Variants in PBRM1 observed in about 807,000 individuals in gnomAD.
PBRM1 encodes the protein protein polybromo-1.
PBRM1 carries 27 observed loss-of-function variants against 194.5 expected under a neutral mutation model. The observed-to-expected ratio is 0.14, with a 90% confidence interval of 0.10 to 0.19. The LOEUF (loss-of-function observed/expected upper bound fraction) is 0.19, where lower values mean the gene tolerates loss of function less well. Among genes scored for constraint, PBRM1 ranks in the 10% least tolerant of loss-of-function variants. PBRM1 has a pLI of 1.00. For synonymous variants in PBRM1, 655 were observed against 693.2 expected (o/e 0.94, Z 0.87); for missense variants, 1,466 against 2,077.2 (o/e 0.71, Z 5.72).
intron 5 of PBRM1, among the ~76,000 whole-genome samples, chr3:52,652,473 G>A (rs2096524257): frequency 6.6e-6 from 1 of 151,730 alleles, no homozygotes; most frequent in Non-Finnish European, 1.5e-5. Context: ...TGGTTCACGA[G>A]GTCAGGAGAT....
At chr3:52,642,608 C>CA (rs201394004) in intron 9 of PBRM1, among the ~76,000 whole-genome samples, 2,521 of 96,980 alleles carry the variant, frequency 0.026, 48 homozygotes, top group African/African-American at 0.053. Flanking sequence ...AACTTCGTCT[C>CA]AAAAAAAAAA....
chr3:52,658,115 C>T lies in PBRM1; in HGVS notation c.645+84G>A, dbSNP rs895371004. ...GCCCAACATCTTCCTTTTGAACTTA[C>T]TTTATTTATCAGTAATTAATACAAT... On this transcript the variant is annotated intron_variant, in intron 5 of 29. Coordinates refer to ENST00000296302, the Ensembl canonical transcript of PBRM1. 1.4e-5 allele frequency: 10 copies of T among 738,742 alleles called. No homozygotes were observed. The African/African-American group carries it at 1.8e-4, about 13-fold the overall frequency. 45.8% of individuals were successfully genotyped at this position (738,742 alleles called of 1,614,324 possible). A position where few individuals can be genotyped will look rare whatever the true frequency, so the allele number is the denominator to read the frequency against.
chr3:52,550,577 C>T (rs1361004473), exon 29 of PBRM1: 2 of 1,540,742 alleles, frequency 1.3e-6, no homozygotes, highest in Admixed American at 2.1e-5. Flanking sequence ...GGGGGTCCAG[C>T]TGGATGTGGG....
intron 2 of PBRM1, among the ~76,000 whole-genome samples, chr3:52,671,710 G>A (rs137863007): frequency 1.3e-5 from 2 of 152,316 alleles, no homozygotes; most frequent in East Asian, 3.9e-4. Context: ...ACAACTTTCA[G>A]AAGACTATTA....
intron 17 of PBRM1, among the ~76,000 whole-genome samples, chr3:52,596,436 C>CAAAAAAAAAAAAAAAAAAAAAAAAAAAA (rs763007814): frequency 4.0e-5 from 2 of 50,372 alleles, no homozygotes; most frequent in African/African-American, 8.3e-5. Flanking sequence ...GACTCCGTCT[C>CAAAAAAAAAAAAAAAAAAAAAAAAAAAA]AAAAAAAAAA....
At chr3:52,594,624 CATT>C (rs1463977637) in intron 17 of PBRM1, among the ~76,000 whole-genome samples, 2 of 152,120 alleles carry the variant, frequency 1.3e-5, no homozygotes, top group Non-Finnish European at 2.9e-5. Context: ...CTGATCTTGT[CATT>C]GTGTTGTTAG....
At chr3:52,684,685 G>C (rs1364643436), upstream of PBRM1, among the ~76,000 whole-genome samples, 1 of 152,166 alleles carries the variant, frequency 6.6e-6, no homozygotes, top group African/African-American at 2.4e-5. Context: ...CATGATGTTT[G>C]ATGACTTGAT....
chr3:52,554,951 C>G, intron 26 of PBRM1, 72 bp from the exon 29 acceptor site: 6 of 1,201,792 alleles, frequency 5.0e-6, no homozygotes. Flanking sequence ...ACAACCAACC[C>G]CCACATGCAC....
chr3:52,644,599 G>A (rs2096234992), intron 8 of PBRM1, 105 bp downstream of exon 9: 2 of 478,556 alleles, frequency 4.2e-6, no homozygotes, highest in African/African-American at 2.1e-5. Flanking sequence ...TGGCCAGGAT[G>A]GTCTCGATCT....
chr3:52,570,844 C>CG (rs2086847333), intron 22 of PBRM1, among the ~76,000 whole-genome samples: 1 of 150,512 alleles, frequency 6.6e-6, no homozygotes, highest in African/African-American at 2.4e-5. Flanking sequence ...TGTGTGTGCG[C>CG]ACATGTGTGC....
chr3:52,595,160 A>G (rs2093432062), intron 17 of PBRM1, among the ~76,000 whole-genome samples: 1 of 151,854 alleles, frequency 6.6e-6, no homozygotes, highest in African/African-American at 2.4e-5. Context: ...TTGTGGGCTA[A>G]AGTTCCTTCA....
chr3:52,546,195 T>C, downstream of PBRM1: 1 of 232,346 alleles, frequency 4.3e-6, no homozygotes. Flanking sequence ...AATGAATGCA[T>C]GAAATAAATA....
exon 18 of PBRM1, chr3:52,589,111 G>C (rs2153805950): frequency 1.2e-6 from 2 of 1,613,690 alleles, no homozygotes; most frequent in Non-Finnish European, 1.7e-6. Flanking sequence ...GACGATATGT[G>C]GTTGTAGGTT....
intron 25 of PBRM1, among the ~76,000 whole-genome samples, chr3:52,559,354 T>C (rs762739373): frequency 7.9e-5 from 12 of 152,330 alleles, no homozygotes; most frequent in Non-Finnish European, 1.3e-4. Flanking sequence ...TCCAGTCTTT[T>C]TGTGAGCTAG....
At chr3:52,558,504 G>A (rs2082693485) in intron 25 of PBRM1, 91 bp from the exon 28 acceptor site, 1 of 1,123,724 alleles carries the variant, frequency 8.9e-7, no homozygotes, top group African/African-American at 1.6e-5. Flanking sequence ...TAAAAACACA[G>A]GCAACAGTTC....
At chr3:52,561,786 G>C (rs747202396) in exon 25 of PBRM1, 1 of 1,613,958 alleles carries the variant, frequency 6.2e-7, no homozygotes, top group Non-Finnish European at 8.5e-7. Context: ...CTGCTTTCTT[G>C]GCTGTCTCAA....
intron 13 of PBRM1, among the ~76,000 whole-genome samples, chr3:52,619,186 G>A (rs370764528): frequency 3.3e-5 from 5 of 152,302 alleles, no homozygotes; most frequent in African/African-American, 7.2e-5. Flanking sequence ...GAGCCACTGC[G>A]CCTGGCCAAC....
chr3:52,579,036 T>C lies in PBRM1; in HGVS notation c.3533+18A>G, dbSNP rs763733526. 4.3e-6 allele frequency: 7 copies of C among 1,613,344 alleles called. No homozygotes were observed. The East Asian group carries it at 1.6e-4, about 36-fold the overall frequency. ...TTCTCAGATTCAACCTCATCTTCCC[T>C]AATTCAATGACACTCACCTGCCCAC... On this transcript the variant is annotated intron_variant, in intron 21 of 29. Transcript: ENST00000296302.
At chr3:52,611,868 A>C (rs1198015378) in intron 15 of PBRM1, among the ~76,000 whole-genome samples, 8 of 152,110 alleles carry the variant, frequency 5.3e-5, no homozygotes, top group Admixed American at 3.9e-4. Flanking sequence ...AATCAGCAAA[A>C]CCCAGACTAT....
Sources: gnomAD v4.1 joint callset for allele counts (sites outside exome capture counted in the v4.1 genomes callset) on GRCh38, gnomAD v4.1.1 for gene constraint, MANE v1.5 for transcripts, NCBI Gene and HGNC (gene_info 2026-07-23, HGNC 2026-07-21) for gene names.